Variants in E2F6 observed in about 807,000 individuals in gnomAD.
The protein encoded by E2F6 is transcription factor E2F6.
In E2F6, 19 loss-of-function variants were observed where a neutral mutation model predicts 31.5. That is an observed-to-expected ratio of 0.60 (90% CI 0.42 to 0.89). The LOEUF (loss-of-function observed/expected upper bound fraction) is 0.89, where lower values mean the gene tolerates loss of function less well. Among genes scored for constraint, E2F6 ranks in the 40% least tolerant of loss-of-function variants. The probability of loss-of-function intolerance (pLI) is 0.00; values close to 1 mark genes in which losing one functional copy is unlikely to be tolerated. For synonymous variants in E2F6, 121 were observed against 127.7 expected, an observed-to-expected ratio of 0.95 and a Z score of 0.36; for missense variants, 269 against 341.6, an observed-to-expected ratio of 0.79 and a Z score of 1.67.
chr2:11,447,283 T>C (rs1558449129), intron 6 of E2F6, among the ~76,000 whole-genome samples: 1 of 152,072 alleles, frequency 6.6e-6, no homozygotes, highest in Non-Finnish European at 1.5e-5. Context: ...CCCCTTCCCT[T>C]CTCCAAGATG....
At chr2:11,457,783 A>G (rs1671500904) in intron 1 of E2F6, among the ~76,000 whole-genome samples, 1 of 152,244 alleles carries the variant, frequency 6.6e-6, no homozygotes, top group Admixed American at 6.5e-5. Context: ...TATTAAGTAC[A>G]CGTGGTTCCC....
chr2:11,454,179 A>C (rs1459548180), intron 2 of E2F6, among the ~76,000 whole-genome samples: 2 of 152,190 alleles, frequency 1.3e-5, no homozygotes, highest in Non-Finnish European at 2.9e-5. Flanking sequence ...TTGGTCTTCA[A>C]GTTAAGGAAT....
intron 1 of E2F6, among the ~76,000 whole-genome samples, chr2:11,464,433 C>T (rs1353442601): frequency 1.4e-5 from 2 of 145,950 alleles, no homozygotes; most frequent in Non-Finnish European, 3.0e-5. Context: ...AGGAAAATGG[C>T]GTGAACTCGG....
At position 11,453,635 on chromosome 2, in the gene E2F6, G is replaced by T; in HGVS notation, c.327C>A (p.Val109=). The change falls in exon 3 of 7, where the codon GTC becomes GTA. Residue 109 remains valine (V), a synonymous_variant. Transcript: ENST00000381525. ...RKRRVYDITN[V]LDGIDLVEKK... ...TTTCAACGAGGTCGATTCCATCTAA[G>T]ACATTGGTGATGTCATACACTCTCC... 6.2e-7 allele frequency: 1 copy of T among 1,614,134 alleles called. No individual in the cohort carries two copies.
In E2F6 at chr2:11,444,853, T is replaced by C. The variant is rs1218315610; in HGVS notation, c.*1624A>G. 2 of 152,270 alleles carry C rather than the reference T, an allele frequency of 1.3e-5. No homozygotes were observed. Among genetic ancestry groups the C allele is most frequent in the Non-Finnish European group, 2.9e-5 (2 of 68,076 alleles). The allele number at this position is 152,270 out of a possible 1,614,324, so 9.4% of individuals were successfully genotyped here. A position where few individuals can be genotyped will look rare whatever the true frequency, so the allele number is the denominator to read the frequency against. The stretch of plus-strand genomic sequence containing the variant: ...CCCTAGGCTTGCTCCTCCTCCTGTA[T>C]TCCCTATTCTGTCAAACAGTACGAC... On this transcript the variant is annotated 3_prime_UTR_variant, in exon 7 of 7. Coordinates refer to ENST00000381525, the MANE Select transcript of E2F6 (RefSeq NM_198256.4).
intron 1 of E2F6, among the ~76,000 whole-genome samples, chr2:11,461,388 G>T (rs186790507): frequency 6.6e-6 from 1 of 152,156 alleles, no homozygotes; most frequent in Admixed American, 6.5e-5. Context: ...TTTCACTCTT[G>T]TTGCCCAAGC....
intron 1 of E2F6, among the ~76,000 whole-genome samples, chr2:11,461,403 G>A (rs549046471): frequency 6.6e-6 from 1 of 152,282 alleles, no homozygotes; most frequent in South Asian, 2.1e-4. Context: ...CCAAGCTGGA[G>A]TGCAGTGGCA....
chr2:11,454,560 T>A (rs1162026434), intron 2 of E2F6, among the ~76,000 whole-genome samples: 5 of 152,178 alleles, frequency 3.3e-5, no homozygotes, highest in Admixed American at 3.3e-4. Context: ...TTGGCCAGGC[T>A]GGTCTTGAAT....
chr2:11,465,766 G>A lies in E2F6; in HGVS notation c.108+6C>T, dbSNP rs370298922. ...CCGCCCGTCCCCGTCCCGTCCCGGAGCTTACCAGCAGGCCCTCCACGTTGA... is the reference window on the plus strand; with the variant it reads ...CCGCCCGTCCCCGTCCCGTCCCGGAACTTACCAGCAGGCCCTCCACGTTGA... On this transcript the variant is annotated splice_donor_region_variant and intron_variant, in intron 1 of 6. Transcript: ENST00000381525. 24 of 1,586,664 alleles carry A rather than the reference G, an allele frequency of 1.5e-5. No homozygotes were observed. In the East Asian group the frequency reaches 4.4e-4, roughly 29 times the overall value.
rs1378635318 is a variant in E2F6 at position 11,446,244 on chromosome 2, C to T, written c.*233G>A. 1.8e-5 allele frequency: 9 copies of T among 491,344 alleles called. No homozygotes were observed. Among genetic ancestry groups the T allele is most frequent in the Non-Finnish European group, 3.3e-5 (9 of 275,500 alleles). 30.4% of individuals were successfully genotyped at this position (491,344 alleles called of 1,614,324 possible). ...ACTTCAGGAGGCAAGATGTCTATTTCACTGACAAAAAGCAGTGAATAATTA... is the reference window on the plus strand; with the variant it reads ...ACTTCAGGAGGCAAGATGTCTATTTTACTGACAAAAAGCAGTGAATAATTA... On this transcript the variant is annotated 3_prime_UTR_variant, in exon 7 of 7. Coordinates refer to ENST00000381525, the MANE Select transcript of E2F6 (RefSeq NM_198256.4).
chr2:11,457,798 A>G (rs1442201128), intron 1 of E2F6, among the ~76,000 whole-genome samples: 1 of 152,186 alleles, frequency 6.6e-6, no homozygotes. Flanking sequence ...GTTCCCCAAA[A>G]TTTGCTCACA....
At chr2:11,456,998 T>C in intron 2 of E2F6, 181 bp downstream of exon 2, 2 of 574,430 alleles carry the variant, frequency 3.5e-6, no homozygotes, top group Non-Finnish European at 6.4e-6. Context: ...AACTGGCATT[T>C]GTGCACATGA....
intron 3 of E2F6, 111 bp downstream of exon 3, chr2:11,453,470 AG>A: frequency 1.0e-6 from 1 of 976,304 alleles, no homozygotes; most frequent in Non-Finnish European, 1.5e-6. Context: ...TCTAACAAGA[AG>A]TCGTACCTTT....
At chr2:11,454,564 C>G (rs2148346963) in intron 2 of E2F6, among the ~76,000 whole-genome samples, 1 of 152,150 alleles carries the variant, frequency 6.6e-6, no homozygotes, top group Admixed American at 6.5e-5. Flanking sequence ...CCAGGCTGGT[C>G]TTGAATTCAT....
chr2:11,458,124 A>G (rs1396478966), intron 1 of E2F6, among the ~76,000 whole-genome samples: 2 of 152,268 alleles, frequency 1.3e-5, no homozygotes, highest in Non-Finnish European at 1.5e-5. Context: ...TCCTAGTAAC[A>G]TCAATGTTAA....
At chr2:11,450,383 A>G (rs1051387362) in intron 4 of E2F6, among the ~76,000 whole-genome samples, 2 of 152,172 alleles carry the variant, frequency 1.3e-5, no homozygotes, top group African/African-American at 4.8e-5. Context: ...CTCTACTATT[A>G]TGATTATGAT....
chr2:11,452,219 G>T (rs1406581468), intron 3 of E2F6, among the ~76,000 whole-genome samples: 12 of 152,218 alleles, frequency 7.9e-5, no homozygotes, highest in Admixed American at 7.9e-4. Flanking sequence ...CTAAATGACA[G>T]TGCCTCTGCT....
chr2:11,451,620 A>G (rs1461825598), intron 4 of E2F6, 31 bp downstream of exon 4: 3 of 1,574,812 alleles, frequency 1.9e-6, no homozygotes, highest in Non-Finnish European at 2.6e-6. Context: ...TGGAAGCAGA[A>G]ATTTTAAAAA....
chr2:11,464,517 CAA>C (rs559562627), intron 1 of E2F6, among the ~76,000 whole-genome samples: 751 of 44,480 alleles, frequency 0.017, 1 homozygote, highest in Middle Eastern at 0.068. Flanking sequence ...ACTTCGTCAC[CAA>C]AAAAAAAAAA....
Sources: allele counts gnomAD v4.1 joint callset (sites outside exome capture counted in the v4.1 genomes callset), GRCh38; gene constraint gnomAD v4.1.1; transcripts MANE v1.5; gene names NCBI Gene and HGNC (gene_info 2026-07-23, HGNC 2026-07-21).